Variants in INTU observed in about 807,000 individuals in gnomAD.
INTU encodes the protein protein inturned.
Under a neutral mutation model 100.5 loss-of-function variants are expected in INTU, and 68 were observed. The observed-to-expected ratio is 0.68, with a 90% CI of 0.56 to 0.83. The LOEUF (loss-of-function observed/expected upper bound fraction) is 0.83. Ranked by LOEUF, INTU falls within the 40% of genes least tolerant of loss-of-function variation. The pLI is 0.00. For synonymous variants in INTU, 357 were observed against 395.7 expected, an observed-to-expected ratio of 0.90 and a Z score of 1.16; for missense variants, 1,071 against 1,114.7, an observed-to-expected ratio of 0.96 and a Z score of 0.56.
intron 1 of INTU, among the ~76,000 whole-genome samples, chr4:127,640,588 T>TATATATATAC (rs1560825824): frequency 3.6e-5 from 1 of 27,776 alleles, no homozygotes; most frequent in Non-Finnish European, 7.5e-5. Context: ...TATATATATA[T>TATATATATAC]ATACATATAC....
intron 5 of INTU, among the ~76,000 whole-genome samples, chr4:127,671,526 AG>A (rs1364496559): frequency 6.6e-6 from 1 of 152,154 alleles, no homozygotes; most frequent in Middle Eastern, 3.2e-3. Flanking sequence ...ATTGTAAATG[AG>A]TACAACCTCT....
chr4:127,648,068 T>C, intron 2 of INTU, among the ~76,000 whole-genome samples: 1 of 152,236 alleles, frequency 6.6e-6, no homozygotes, highest in Non-Finnish European at 1.5e-5. Flanking sequence ...TATTTGGTTC[T>C]TAAATATATC....
chr4:127,654,968 T>C (rs932377717), intron 2 of INTU, among the ~76,000 whole-genome samples: 3 of 150,770 alleles, frequency 2.0e-5, no homozygotes, highest in Admixed American at 6.6e-5. Context: ...TTCATTTCAT[T>C]CATTTCATCT....
chr4:127,648,506 C>G (rs1727689961), intron 2 of INTU, among the ~76,000 whole-genome samples: 1 of 152,012 alleles, frequency 6.6e-6, no homozygotes, highest in African/African-American at 2.4e-5. Context: ...GATAATACTC[C>G]CTATAACACT....
At chr4:127,642,433 T>C (rs1413259216) in intron 1 of INTU, among the ~76,000 whole-genome samples, 1 of 152,172 alleles carries the variant, frequency 6.6e-6, no homozygotes, top group Non-Finnish European at 1.5e-5. Context: ...AATAGAATAG[T>C]ATATTTTGGG....
chr4:127,636,321 C>T (rs925102202), intron 1 of INTU, among the ~76,000 whole-genome samples: 1 of 151,782 alleles, frequency 6.6e-6, no homozygotes, highest in African/African-American at 2.4e-5. Flanking sequence ...CCATTGTACA[C>T]TAAAGACCTA....
intron 2 of INTU, among the ~76,000 whole-genome samples, chr4:127,644,728 A>G (rs1252667505): frequency 1.3e-5 from 2 of 152,260 alleles, no homozygotes; most frequent in Non-Finnish European, 2.9e-5. Flanking sequence ...TTACTTAAAG[A>G]TAAATGAGTA....
In INTU at chr4:127,717,021, A is replaced by G. The variant is rs1731278172; in HGVS notation, c.*585A>G. The G allele has an allele frequency of 6.6e-6, 1 of 152,206 alleles. No homozygotes were observed. 9.4% of individuals were successfully genotyped at this position (152,206 alleles called of 1,614,324 possible). A position where few individuals can be genotyped will look rare whatever the true frequency, so the allele number is the denominator to read the frequency against. Reference sequence around the variant, plus strand: ...AGTTTTAGTTTTAGTTCTGGGGTACATGTGCAGGATGTGCAGGTTCGTTAC... The same window carrying G: ...AGTTTTAGTTTTAGTTCTGGGGTACGTGTGCAGGATGTGCAGGTTCGTTAC... On this transcript the variant is annotated 3_prime_UTR_variant, in exon 16 of 16. Coordinates refer to ENST00000335251, the MANE Select transcript of INTU (RefSeq NM_015693.4).
rs747015205 is a variant in INTU at position 127,706,871 on chromosome 4, G to T, written c.2173G>T (p.Asp725Tyr). The T allele has an allele frequency of 6.2e-7, 1 of 1,614,066 alleles. No homozygotes were observed. The highest frequency in any genetic ancestry group is 2.2e-5 in the East Asian group (1 of 44,878). Residue 725 changes from aspartate to tyrosine, a missense_variant, in exon 12 of 16, where the codon GAT becomes TAT. Transcript: ENST00000335251. ...GSDNGCEGGE[D>Y]DGFSPHTTPD... is the part of the protein sequence containing the mutation. ...TGACAATGGTTGTGAAGGTGGAGAA[G>T]ATGATGGCTTTAGCCCCCATACTAC...
At chr4:127,703,584 C>T (rs1480911982) in intron 9 of INTU, among the ~76,000 whole-genome samples, 1 of 152,030 alleles carries the variant, frequency 6.6e-6, no homozygotes, top group Admixed American at 6.6e-5. Context: ...AGCAGTGTAT[C>T]CTAAAACCTT....
At position 127,726,328 on chromosome 4, in the gene INTU, A is replaced by G. The variant is rs910441005; in HGVS notation, c.*9892A>G. The G allele has an allele frequency of 2.6e-5, 4 of 152,306 alleles. No homozygotes were observed. Among genetic ancestry groups the G allele is most frequent in the Non-Finnish European group, 5.9e-5 (4 of 68,018 alleles). 9.4% of individuals were successfully genotyped at this position (152,306 alleles called of 1,614,324 possible). On this transcript the variant is annotated 3_prime_UTR_variant, in exon 16 of 16. Transcript: ENST00000335251. ...ACAAATGGGCAAAGCTGTGAAACCAATTTACTAGGTTTTTCTGCTTTGGAC... is the reference window on the plus strand; with the variant it reads ...ACAAATGGGCAAAGCTGTGAAACCAGTTTACTAGGTTTTTCTGCTTTGGAC...
At position 127,648,767 on chromosome 4, in the gene INTU, T is replaced by C. The variant is rs769324481; in HGVS notation, c.682+4711T>C. 2.0e-5 allele frequency among the ~76,000 whole-genome samples: 3 copies of C among 152,132 alleles called. No homozygotes were observed. The South Asian group carries it at 6.2e-4, about 31-fold the overall frequency. ...ATCACTACAGCTATAAGTAATTTGA[T>C]ATAGTACTTTTGTTTAATCTCTTAT... On this transcript the variant is annotated intron_variant, in intron 2 of 15. Coordinates refer to ENST00000335251, the MANE Select transcript of INTU (RefSeq NM_015693.4).
intron 3 of INTU, among the ~76,000 whole-genome samples, chr4:127,658,916 G>A (rs1457744406): frequency 2.0e-5 from 3 of 152,174 alleles, no homozygotes; most frequent in East Asian, 3.9e-4. Context: ...GGAGCCCTGA[G>A]CTTGTATTCC....
At chr4:127,648,844 C>A in intron 2 of INTU, among the ~76,000 whole-genome samples, 1 of 151,376 alleles carries the variant, frequency 6.6e-6, no homozygotes. Flanking sequence ...TCCAAGTGGA[C>A]TTCAAGTTGA....
intron 1 of INTU, among the ~76,000 whole-genome samples, chr4:127,634,905 C>A (rs994737408): frequency 6.6e-6 from 1 of 152,190 alleles, no homozygotes; most frequent in African/African-American, 2.4e-5. Context: ...AAACAGTGGC[C>A]TTCCCAACTT....
At chr4:127,703,720 C>G (rs1730752246) in intron 9 of INTU, among the ~76,000 whole-genome samples, 1 of 152,090 alleles carries the variant, frequency 6.6e-6, no homozygotes, top group African/African-American at 2.4e-5. Flanking sequence ...TTCCATATTA[C>G]AAATAATCCA....
rs1452980472 is a variant in INTU, at chr4:127,719,919, A to C, written c.*3483A>C. On this transcript the variant is annotated 3_prime_UTR_variant, in exon 16 of 16. Transcript: ENST00000335251. ...AATAGTCTATTTTGTTAATATTTTC[A>C]AAAAAAAGCAGCCCCTGGATTCATT... 2 of 151,394 alleles carry C rather than the reference A, an allele frequency of 1.3e-5. No individual in the cohort carries two copies. The highest frequency in any genetic ancestry group is 2.9e-5 in the Non-Finnish European group (2 of 67,852). The allele number at this position is 151,394 out of a possible 1,614,324, so 9.4% of individuals were successfully genotyped here. A position where few individuals can be genotyped will look rare whatever the true frequency, so the allele number is the denominator to read the frequency against.
intron 9 of INTU, 33 bp downstream of exon 9, chr4:127,700,096 A>C (rs1422601958): frequency 6.6e-7 from 1 of 1,519,942 alleles, no homozygotes; most frequent in African/African-American, 1.4e-5. Context: ...TAAAAGGCTC[A>C]ATGTTGAATT....
At chr4:127,655,678 TTGTC>T (rs1402277118) in intron 2 of INTU, among the ~76,000 whole-genome samples, 1 of 151,446 alleles carries the variant, frequency 6.6e-6, no homozygotes, top group Non-Finnish European at 1.5e-5. Flanking sequence ...GTCTTTTTGT[TTGTC>T]TGTGCCCTGC....
Sources: allele counts gnomAD v4.1 joint callset (sites outside exome capture counted in the v4.1 genomes callset), GRCh38; gene constraint gnomAD v4.1.1; transcripts MANE v1.5; gene names NCBI Gene and HGNC (gene_info 2026-07-23, HGNC 2026-07-21).